ZNF469: variants seen among roughly 807,000 people sequenced by gnomAD.
ZNF469 encodes the protein zinc finger protein 469.
Under a neutral mutation model 1.0 loss-of-function variants are expected in ZNF469, and 1 was observed. That is an observed-to-expected ratio of 1.00 (90% CI 0.35 to 4.73). The LOEUF (loss-of-function observed/expected upper bound fraction) is 4.73. Among genes scored for constraint, ZNF469 ranks in the 30% most tolerant of loss-of-function variants. The pLI is 0.16. For missense variants in ZNF469, 6,100 were observed against 5,356.3 expected, an observed-to-expected ratio of 1.14 and a Z score of -4.33; for synonymous variants, 2,703 against 2,363.4, an observed-to-expected ratio of 1.14 and a Z score of -4.17.
chr16:88,256,859 TTTCC>T, the ZNF469 span, among the ~76,000 whole-genome samples: 3 of 150,296 alleles, frequency 2.0e-5, no homozygotes, highest in Non-Finnish European at 4.4e-5. Flanking sequence ...TTCCTTCCTT[TTTCC>T]TTCCTTTCTT....
the ZNF469 span, among the ~76,000 whole-genome samples, chr16:88,229,575 GCGCT>G: frequency 0.017 from 1,917 of 112,440 alleles, 34 homozygotes; most frequent in East Asian, 0.054. Flanking sequence ...TCACGCTTGT[GCGCT>G]GATGTCACGC....
At chr16:88,151,418 T>A in the ZNF469 span, among the ~76,000 whole-genome samples, 2 of 152,232 alleles carry the variant, frequency 1.3e-5, no homozygotes, top group Non-Finnish European at 2.9e-5. The surrounding 1 kb of genome is among the most constrained non-coding windows in gnomAD (Gnocchi z 5.4). Flanking sequence ...TGTTTCCCGA[T>A]GGAACGGCGG....
the ZNF469 span, among the ~76,000 whole-genome samples, chr16:88,240,103 G>A: frequency 3.3e-5 from 5 of 151,034 alleles, no homozygotes; most frequent in East Asian, 5.9e-4. Flanking sequence ...ACCCTGAGCC[G>A]GCGATGCTGG....
intron 1 of ZNF469, among the ~76,000 whole-genome samples, chr16:88,417,960 G>A (rs1273627172): frequency 6.6e-6 from 1 of 152,228 alleles, no homozygotes. Context: ...GCATGAGTGT[G>A]TCCACGTGTG....
the ZNF469 span, among the ~76,000 whole-genome samples, chr16:88,132,185 C>T: frequency 1.2e-4 from 18 of 152,248 alleles, no homozygotes; most frequent in African/African-American, 4.1e-4. Flanking sequence ...CATGCCACAG[C>T]GCCAGGCCCC....
At chr16:88,134,902 C>G in the ZNF469 span, among the ~76,000 whole-genome samples, 1 of 152,264 alleles carries the variant, frequency 6.6e-6, no homozygotes, top group African/African-American at 2.4e-5. Flanking sequence ...GATATTTACT[C>G]CTTGCCATAT....
At position 88,435,312 on chromosome 16, in the gene ZNF469, G is replaced by T; in HGVS notation, c.7842G>T (p.Arg2614Ser). The change falls in exon 3 of 3, where the codon AGG becomes AGT. Residue 2614 changes from arginine to serine, a missense_variant. Transcript: ENST00000565624. ...AGGCAGAAAAAAGAGAAGGCCGGAGGTGGCGCCGAGAGCCCACCGTGGACT... is the reference window on the plus strand; with the variant it reads ...AGGCAGAAAAAAGAGAAGGCCGGAGTTGGCGCCGAGAGCCCACCGTGGACT... ...PKQAEKREGR[R>S]WRREPTVDSP... 6.5e-7 allele frequency: 1 copy of T among 1,550,376 alleles called. No homozygotes were observed. Among genetic ancestry groups the T allele is most frequent in the Non-Finnish European group, 8.7e-7 (1 of 1,146,994 alleles).
At chr16:88,232,705 T>C in the ZNF469 span, among the ~76,000 whole-genome samples, 29,219 of 152,216 alleles carry the variant, frequency 0.19, 3,087 homozygotes, top group East Asian at 0.31. Context: ...CGGCTTCTGC[T>C]GGCCCTGAGA....
chr16:88,416,498 C>A (rs975693257), intron 1 of ZNF469, among the ~76,000 whole-genome samples: 1 of 152,134 alleles, frequency 6.6e-6, no homozygotes, highest in African/African-American at 2.4e-5. Flanking sequence ...TGTGTGACTT[C>A]GGCAGGATCT....
the ZNF469 span, among the ~76,000 whole-genome samples, chr16:88,283,007 A>C: frequency 2.0e-5 from 3 of 152,302 alleles, no homozygotes; most frequent in South Asian, 6.2e-4. Flanking sequence ...TTCCCTCCGG[A>C]GTTTGGCCAA....
the ZNF469 span, among the ~76,000 whole-genome samples, chr16:88,240,332 G>A: frequency 6.6e-6 from 1 of 152,194 alleles, no homozygotes; most frequent in African/African-American, 2.4e-5. Flanking sequence ...TCGTGTGATG[G>A]GGGAAGAGAG....
chr16:88,365,578 C>T, the ZNF469 span, among the ~76,000 whole-genome samples: 2 of 152,220 alleles, frequency 1.3e-5, no homozygotes, highest in African/African-American at 2.4e-5. Context: ...CAGAAGCCCT[C>T]GGCTGTGCCT....
the ZNF469 span, among the ~76,000 whole-genome samples, chr16:88,157,256 T>C: frequency 1.3e-5 from 2 of 151,956 alleles, no homozygotes; most frequent in African/African-American, 2.4e-5. Context: ...GTCTCAGTGC[T>C]CTTTCTCCCT....
intron 1 of ZNF469, among the ~76,000 whole-genome samples, chr16:88,383,925 C>T (rs980698912): frequency 6.6e-6 from 1 of 152,142 alleles, no homozygotes. Flanking sequence ...CGGCGCCCCG[C>T]GTGGCGGCGG....
the ZNF469 span, among the ~76,000 whole-genome samples, chr16:88,228,147 A>T: frequency 2.6e-5 from 4 of 152,078 alleles, no homozygotes; most frequent in Admixed American, 1.3e-4. Context: ...AAATAAACCC[A>T]TCTTCTGAGG....
At chr16:88,254,329 A>C in the ZNF469 span, among the ~76,000 whole-genome samples, 13 of 152,154 alleles carry the variant, frequency 8.5e-5, no homozygotes, top group Non-Finnish European at 1.5e-4. Context: ...TATGGGGTCT[A>C]TGTCTAGATT....
At chr16:88,358,279 C>T in the ZNF469 span, among the ~76,000 whole-genome samples, 40 of 152,318 alleles carry the variant, frequency 2.6e-4, no homozygotes, top group African/African-American at 8.7e-4. Context: ...ACCACGGCCC[C>T]GCAGCTGGAA....
In ZNF469 at chr16:88,433,466, A is replaced by G. The variant is rs1306788212; in HGVS notation, c.5996A>G (p.Asn1999Ser). ...AEKTQGQGTANQLQPENGVSP... is the reference protein window; with the variant it reads ...AEKTQGQGTASQLQPENGVSP... Reference sequence around the variant, plus strand: ...AAAACCCAGGGCCAAGGCACAGCCAACCAGCTTCAGCCAGAGAACGGGGTG... The same window carrying G: ...AAAACCCAGGGCCAAGGCACAGCCAGCCAGCTTCAGCCAGAGAACGGGGTG... Residue 1999 changes from asparagine (N) to serine (S), a missense_variant, in exon 3 of 3, where the codon AAC becomes AGC. Coordinates refer to ENST00000565624, the MANE Select transcript of ZNF469 (RefSeq NM_001367624.2). The G allele has an allele frequency of 4.5e-6, 7 of 1,550,264 alleles. No homozygotes were observed. In the South Asian group the frequency reaches 5.9e-5, roughly 13 times the overall value.
At chr16:88,359,248 C>A in the ZNF469 span, among the ~76,000 whole-genome samples, 1 of 147,992 alleles carries the variant, frequency 6.8e-6, no homozygotes, top group East Asian at 2.0e-4. Flanking sequence ...CTGAGCGTCC[C>A]GGGGGCTCGG....
Sources: gnomAD v4.1 joint callset for allele counts (sites outside exome capture counted in the v4.1 genomes callset) on GRCh38, gnomAD v4.1.1 for gene constraint, Gnocchi (gnomAD v3.1) non-coding constraint, MANE v1.5 for transcripts, NCBI Gene and HGNC (gene_info 2026-07-23, HGNC 2026-07-21) for gene names.